DSCAM: variants seen among roughly 807,000 people sequenced by gnomAD.
The protein encoded by DSCAM is cell adhesion molecule DSCAM.
A neutral mutation model predicts 217.7 loss-of-function variants in DSCAM; 47 were observed. That is an observed-to-expected ratio of 0.22 (90% CI 0.17 to 0.28). The LOEUF is 0.28. Among genes scored for constraint, DSCAM ranks in the 10% least tolerant of loss-of-function variants. The pLI is 1.00. For missense variants in DSCAM, 2,080 were observed against 2,618.3 expected (o/e 0.79, Z 4.49); for synonymous variants, 1,056 against 1,015.3 (o/e 1.04, Z -0.76).
At position 40,643,856 on chromosome 21, in the gene DSCAM, C is replaced by T. The variant is rs2089911960; in HGVS notation, c.508+48954G>A. 2.6e-5 allele frequency among the ~76,000 whole-genome samples: 4 copies of T among 152,360 alleles called. 1 individual carries two copies. The South Asian group carries it at 8.3e-4, about 32-fold the overall frequency. On this transcript the variant is annotated intron_variant, in intron 3 of 32. Coordinates refer to ENST00000400454, the MANE Select transcript of DSCAM (RefSeq NM_001389.5). The stretch of plus-strand genomic sequence containing the variant: ...GAGGCCAAACTTGCCAACACTTAGT[C>T]TTGGACTTCCAGCCTCCAGAATGTG...
intron 1 of DSCAM, among the ~76,000 whole-genome samples, chr21:40,787,010 G>C (rs907589376): frequency 3.3e-5 from 5 of 152,196 alleles, no homozygotes; most frequent in Non-Finnish European, 7.3e-5. Context: ...CCAAGGGCTC[G>C]ATTTGAAACG....
At chr21:40,091,598 A>T (rs1487458214) in intron 21 of DSCAM, among the ~76,000 whole-genome samples, 1 of 152,044 alleles carries the variant, frequency 6.6e-6, no homozygotes, top group Non-Finnish European at 1.5e-5. Context: ...TACTTTTGTG[A>T]TGCTTTGTTT....
chr21:40,265,709 C>A (rs760927836), intron 11 of DSCAM, among the ~76,000 whole-genome samples: 2 of 152,134 alleles, frequency 1.3e-5, no homozygotes, highest in Non-Finnish European at 2.9e-5. Flanking sequence ...ACTGACTGAT[C>A]TTTGACAAAG....
intron 27 of DSCAM, among the ~76,000 whole-genome samples, chr21:40,064,661 G>A (rs865840375): frequency 6.6e-6 from 1 of 152,196 alleles, no homozygotes; most frequent in Non-Finnish European, 1.5e-5. Context: ...GACGTGGGGA[G>A]CTTTGCCATG....
intron 9 of DSCAM, among the ~76,000 whole-genome samples, chr21:40,300,423 T>C (rs2074002273): frequency 6.6e-6 from 1 of 152,144 alleles, no homozygotes; most frequent in South Asian, 2.1e-4. Context: ...TCACAGTGAG[T>C]AGTCTGGTTA....
At chr21:40,321,320 A>C (rs2074256527) in intron 8 of DSCAM, among the ~76,000 whole-genome samples, 1 of 152,196 alleles carries the variant, frequency 6.6e-6, no homozygotes, top group Non-Finnish European at 1.5e-5. Context: ...CTTCATCTTG[A>C]TGTCTCAGAA....
intron 3 of DSCAM, among the ~76,000 whole-genome samples, chr21:40,550,393 C>T (rs1293335378): frequency 6.6e-6 from 1 of 152,110 alleles, no homozygotes; most frequent in Non-Finnish European, 1.5e-5. Flanking sequence ...GGCATGGTGG[C>T]ACGCGCCTGT....
At chr21:40,582,948 C>A (rs2076916890) in intron 3 of DSCAM, among the ~76,000 whole-genome samples, 1 of 151,926 alleles carries the variant, frequency 6.6e-6, no homozygotes, top group African/African-American at 2.4e-5. Context: ...GAAAAGCAAT[C>A]CGATATTTGC....
Position 40,276,191 on chromosome 21 carries a change from C to T in DSCAM, c.2262G>A (p.Lys754=), listed in dbSNP as rs1243196451. The change falls in exon 11 of 33, where the codon AAG becomes AAA. Residue 754 remains lysine (K), a synonymous_variant. Coordinates refer to ENST00000400454, the MANE Select transcript of DSCAM (RefSeq NM_001389.5). ...QVLSNGSLLI[K]HVVEEDSGYY... ...AGCCACTGTCTTCCTCCACGACATG[C>T]TTGATCAGCAACGACCCATTGCTGA... The T allele has an allele frequency of 6.2e-7, 1 of 1,613,252 alleles. No individual in the cohort carries two copies. Among genetic ancestry groups the T allele is most frequent in the Non-Finnish European group, 8.5e-7 (1 of 1,179,622 alleles).
At chr21:40,451,906 C>A (rs554705338) in intron 3 of DSCAM, among the ~76,000 whole-genome samples, 1 of 152,200 alleles carries the variant, frequency 6.6e-6, no homozygotes, top group African/African-American at 2.4e-5. Flanking sequence ...CAACCTCCAG[C>A]ATAAATGGGT....
chr21:40,462,503 G>A (rs934011499), intron 3 of DSCAM, among the ~76,000 whole-genome samples: 2 of 152,166 alleles, frequency 1.3e-5, no homozygotes, highest in African/African-American at 4.8e-5. Flanking sequence ...TTGGAATCAC[G>A]TGGAGATCTT....
At position 40,493,879 on chromosome 21, in the gene DSCAM, A is replaced by AAAT. The variant is rs1555845575; in HGVS notation, c.509-124635_509-124634insATT. On this transcript the variant is annotated intron_variant, in intron 3 of 32. Coordinates refer to ENST00000400454, the MANE Select transcript of DSCAM (RefSeq NM_001389.5). ...ACTCCATCTCAAAAAAAAAAAAAAA[A>AAAT]ATATATACATATATATACATATATA... Among the ~76,000 whole-genome samples the AAAT allele has an allele frequency of 9.5e-4, 129 of 135,516 alleles. 1 individual carries two copies. The highest frequency in any genetic ancestry group is 1.5e-3 in the Non-Finnish European group (95 of 64,588). 88.9% of individuals were successfully genotyped at this position (135,516 alleles called of 152,430 possible).
intron 8 of DSCAM, among the ~76,000 whole-genome samples, chr21:40,318,242 A>G (rs921412434): frequency 6.6e-6 from 1 of 151,298 alleles, no homozygotes; most frequent in Non-Finnish European, 1.5e-5. Context: ...GCTAAATGAC[A>G]AGTTAATGGG....
Position 40,013,090 on chromosome 21 carries a change from A to T in DSCAM, c.5983T>A (p.Ser1995Thr). 6.3e-7 allele frequency: 1 copy of T among 1,584,204 alleles called. No homozygotes were observed. The highest frequency in any genetic ancestry group is 8.6e-7 in the Non-Finnish European group (1 of 1,162,576). Residue 1995 changes from serine (S) to threonine (T), a missense_variant, in exon 33 of 33, where the codon TCC becomes ACC. Coordinates refer to ENST00000400454, the MANE Select transcript of DSCAM (RefSeq NM_001389.5). ...TTGTTTCCTTTCAAATGGCCCCGGG[A>T]GTCGAGCAGTGATTCTTGGGAGCTG... Reference protein sequence around the residue: ...MSSSQESLLDSRGHLKGNNPY... With the variant: ...MSSSQESLLDTRGHLKGNNPY...
At chr21:40,315,209 G>A (rs1422096583) in intron 8 of DSCAM, among the ~76,000 whole-genome samples, 1 of 151,890 alleles carries the variant, frequency 6.6e-6, no homozygotes, top group East Asian at 1.9e-4. Flanking sequence ...GAGCAGCCTG[G>A]CCAACATGGA....
chr21:40,132,057 G>A lies in DSCAM; in HGVS notation c.3562+1797C>T, dbSNP rs779431055. ...AAAATGCAGATGCAAAACATTTTGT[G>A]GATGATCAATTTGCTCTTTAAATAA... On this transcript the variant is annotated intron_variant, in intron 19 of 32. Coordinates refer to ENST00000400454, the MANE Select transcript of DSCAM (RefSeq NM_001389.5). Among the ~76,000 whole-genome samples the A allele has an allele frequency of 2.6e-5, 4 of 152,292 alleles. No individual in the cohort carries two copies. In the South Asian group the frequency reaches 6.2e-4, roughly 24 times the overall value.
chr21:40,715,129 T>C (rs2090827749), intron 1 of DSCAM, among the ~76,000 whole-genome samples: 1 of 152,248 alleles, frequency 6.6e-6, no homozygotes, highest in African/African-American at 2.4e-5. Flanking sequence ...TTACTCAGTC[T>C]GTGTATTCTG....
At chr21:40,395,973 C>A (rs1048089460) in intron 3 of DSCAM, among the ~76,000 whole-genome samples, 7 of 152,166 alleles carry the variant, frequency 4.6e-5, no homozygotes, top group African/African-American at 9.7e-5. Flanking sequence ...TCTCCTGCAG[C>A]CTCTTCCAAG....
intron 21 of DSCAM, among the ~76,000 whole-genome samples, chr21:40,090,728 G>C (rs886685534): frequency 6.6e-6 from 1 of 152,060 alleles, no homozygotes; most frequent in African/African-American, 2.4e-5. Flanking sequence ...CCCATCCCAG[G>C]TGTAAGCGAT....
Sources: allele counts gnomAD v4.1 joint callset (sites outside exome capture counted in the v4.1 genomes callset), GRCh38; gene constraint gnomAD v4.1.1; transcripts MANE v1.5; gene names NCBI Gene and HGNC (gene_info 2026-07-23, HGNC 2026-07-21).